Variants in CLSTN2 observed in about 807,000 individuals in gnomAD.
CLSTN2 encodes calsyntenin-2.
Under a neutral mutation model 101.2 loss-of-function variants are expected in CLSTN2, and 48 were observed. The observed-to-expected ratio is 0.47, with a 90% CI of 0.38 to 0.60. CLSTN2 has a LOEUF of 0.60. Among genes scored for constraint, CLSTN2 ranks in the 20% least tolerant of loss-of-function variants. The pLI, the probability that CLSTN2 is intolerant of heterozygous loss-of-function variation, is 0.00. For missense variants in CLSTN2, 1,160 were observed against 1,238.2 expected (o/e 0.94, Z 0.95); for synonymous variants, 481 against 463.6 (o/e 1.04, Z -0.48).
Position 140,088,036 on chromosome 3 carries a change from G to C in CLSTN2, c.110-87915G>C, listed in dbSNP as rs571536562. ...CTGATCTCTGGGGGCTCAACAGGAG[G>C]CTAAAGGCAGGAGAGTTTGGTATCT... is the stretch of plus-strand genomic sequence containing the variant. On this transcript the variant is annotated intron_variant, in intron 1 of 16. Coordinates refer to ENST00000458420, the MANE Select transcript of CLSTN2 (RefSeq NM_022131.3). 2.0e-5 allele frequency among the ~76,000 whole-genome samples: 3 copies of C among 152,272 alleles called. No individual in the cohort carries two copies. In the East Asian group the frequency reaches 5.8e-4, roughly 29 times the overall value.
chr3:140,442,314 T>A (rs1932943037), intron 5 of CLSTN2, among the ~76,000 whole-genome samples: 1 of 152,146 alleles, frequency 6.6e-6, no homozygotes, highest in Admixed American at 6.5e-5. Flanking sequence ...CAGGGTCAGG[T>A]ACCAGACAAC....
chr3:140,138,773 G>C (rs114841794), intron 1 of CLSTN2, among the ~76,000 whole-genome samples: 1,680 of 152,268 alleles, frequency 0.011, 31 homozygotes, highest in African/African-American at 0.037. Flanking sequence ...AGAAAAGAGG[G>C]AGAAATGTAC....
At chr3:139,955,460 G>C (rs183536204) in intron 1 of CLSTN2, among the ~76,000 whole-genome samples, 2 of 152,190 alleles carry the variant, frequency 1.3e-5, no homozygotes, top group East Asian at 3.9e-4. Context: ...GCGAAACAGT[G>C]ACCATTTGAT....
At chr3:140,546,129 T>C (rs1324247086) in intron 9 of CLSTN2, among the ~76,000 whole-genome samples, 1 of 152,192 alleles carries the variant, frequency 6.6e-6, no homozygotes, top group East Asian at 1.9e-4. Context: ...GTGAAAACAA[T>C]GCCACCACAT....
intron 1 of CLSTN2, among the ~76,000 whole-genome samples, chr3:140,097,720 G>A (rs1450480726): frequency 1.3e-5 from 2 of 152,154 alleles, no homozygotes; most frequent in Non-Finnish European, 2.9e-5. Context: ...GGAAGGTGCT[G>A]ATATTAAAAT....
Position 140,563,098 on chromosome 3 carries a change from G to A in CLSTN2, c.2377G>A (p.Asp793Asn), listed in dbSNP as rs774504004. 6.2e-7 allele frequency: 1 copy of A among 1,614,082 alleles called. No homozygotes were observed. Among genetic ancestry groups the A allele is most frequent in the Non-Finnish European group, 8.5e-7 (1 of 1,179,990 alleles). The change falls in exon 15 of 17, where the codon GAC becomes AAC. Residue 793 changes from aspartate (D) to asparagine (N), a missense_variant. Physicochemically the swap from Asp to Asn is conservative, Grantham distance 23 (BLOSUM62 1). Transcript: ENST00000458420. The stretch of plus-strand genomic sequence containing the variant: ...TTCCCAGGTCAGCATCCTTCATGAA[G>A]ACCAAGTCTCAGATAAGGAGCATGT... ...FNLEVSILHE[D>N]QVSDKEHVNH...
chr3:140,325,282 CCCCAGCAGTGACTT>C (rs1424740522), intron 2 of CLSTN2, among the ~76,000 whole-genome samples: 1 of 152,190 alleles, frequency 6.6e-6, no homozygotes, highest in Admixed American at 6.5e-5. Flanking sequence ...GAGCAGGCCT[CCCCAGCAGTGACTT>C]CCCAGCAGTG....
chr3:140,318,386 G>A (rs1293728551), intron 2 of CLSTN2, among the ~76,000 whole-genome samples: 2 of 152,170 alleles, frequency 1.3e-5, no homozygotes, highest in Non-Finnish European at 2.9e-5. Context: ...AGTAAAGACA[G>A]AGCAGGTAGA....
intron 2 of CLSTN2, among the ~76,000 whole-genome samples, chr3:140,277,635 T>A (rs533046901): frequency 2.2e-4 from 34 of 152,332 alleles, no homozygotes; most frequent in Admixed American, 1.8e-3. Context: ...TTAATTTTTT[T>A]AAATAATTAT....
At chr3:140,326,105 G>A (rs2087330105) in intron 2 of CLSTN2, among the ~76,000 whole-genome samples, 1 of 152,196 alleles carries the variant, frequency 6.6e-6, no homozygotes, top group East Asian at 1.9e-4. Context: ...AGTACTGGGT[G>A]TGTCAGAATT....
At chr3:140,151,312 T>A (rs766449765) in intron 1 of CLSTN2, among the ~76,000 whole-genome samples, 3 of 151,968 alleles carry the variant, frequency 2.0e-5, no homozygotes, top group Non-Finnish European at 4.4e-5. Flanking sequence ...AAGAGTGTAA[T>A]CCCTTAAGAC....
chr3:140,312,867 A>C (rs1464965045), intron 2 of CLSTN2, among the ~76,000 whole-genome samples: 2 of 152,268 alleles, frequency 1.3e-5, no homozygotes, highest in Non-Finnish European at 2.9e-5. Flanking sequence ...AAACCTTTAA[A>C]GGGTTGACAT....
chr3:140,519,440 A>G (rs1278647256), intron 8 of CLSTN2, among the ~76,000 whole-genome samples: 1 of 152,072 alleles, frequency 6.6e-6, no homozygotes, highest in Admixed American at 6.5e-5. Flanking sequence ...TATTGTTAAA[A>G]TCTCTCGCTA....
chr3:140,095,628 A>G (rs2008856974), intron 1 of CLSTN2, among the ~76,000 whole-genome samples: 1 of 152,138 alleles, frequency 6.6e-6, no homozygotes, highest in African/African-American at 2.4e-5. Context: ...TTCCAACTAC[A>G]AACATCCCCA....
intron 2 of CLSTN2, among the ~76,000 whole-genome samples, chr3:140,258,849 AAG>A (rs1182224240): frequency 6.6e-6 from 1 of 152,198 alleles, no homozygotes; most frequent in Non-Finnish European, 1.5e-5. Context: ...TGTACTTAAA[AAG>A]AGACATCTGT....
At chr3:140,423,907 G>A (rs2088533624) in intron 5 of CLSTN2, among the ~76,000 whole-genome samples, 1 of 152,230 alleles carries the variant, frequency 6.6e-6, no homozygotes, top group Admixed American at 6.5e-5. Context: ...CTGGCCAATG[G>A]GGAAAGGGTA....
intron 9 of CLSTN2, among the ~76,000 whole-genome samples, chr3:140,540,901 A>T (rs1462789555): frequency 7.2e-5 from 11 of 152,316 alleles, no homozygotes; most frequent in Admixed American, 7.2e-4. Context: ...TTCATTCCTG[A>T]TGCAAACTCC....
intron 1 of CLSTN2, among the ~76,000 whole-genome samples, chr3:140,027,757 A>T (rs2007451647): frequency 6.6e-6 from 1 of 152,132 alleles, no homozygotes; most frequent in African/African-American, 2.4e-5. Flanking sequence ...TGATGCTTCT[A>T]CTGACAAATC....
At chr3:140,085,558 G>A (rs1323578681) in intron 1 of CLSTN2, among the ~76,000 whole-genome samples, 2 of 152,084 alleles carry the variant, frequency 1.3e-5, no homozygotes, top group East Asian at 3.9e-4. Context: ...ATCCTCTGGG[G>A]GCAATTTACT....
Sources: allele counts gnomAD v4.1 joint callset (sites outside exome capture counted in the v4.1 genomes callset), GRCh38; gene constraint gnomAD v4.1.1; transcripts MANE v1.5; gene names NCBI Gene and HGNC (gene_info 2026-07-23, HGNC 2026-07-21).